The following PEX26 variants were observed in gnomAD, a reference collection of about 807,000 sequenced individuals.
PEX26 encodes peroxisome assembly protein 26.
Under a neutral mutation model 31.4 loss-of-function variants are expected in PEX26, and 18 were observed. The ratio of observed to expected loss-of-function variants is 0.57; its 90% CI spans 0.40 to 0.85. The LOEUF (loss-of-function observed/expected upper bound fraction) is 0.85, where lower values mean the gene tolerates loss of function less well. PEX26 is among the 40% of genes least tolerant of loss of function. The pLI is 0.00. For missense variants in PEX26, 377 were observed against 383.9 expected, an observed-to-expected ratio of 0.98 and a Z score of 0.15; for synonymous variants, 176 against 166.9, an observed-to-expected ratio of 1.05 and a Z score of -0.42.
In PEX26 at chr22:18,089,357, G is replaced by T. The variant is rs1306431410; in HGVS notation, c.*1282G>T. On this transcript the variant is annotated 3_prime_UTR_variant, in exon 5 of 5. Transcript: ENST00000399744. ...AGGTGAGCTGGAAGGGATGTGGGGG[G>T]CGGGGCAGACGGGAGACATGGGTTT... The T allele has an allele frequency of 1.3e-5, 2 of 152,766 alleles. No homozygotes were observed. Among genetic ancestry groups the T allele is most frequent in the Non-Finnish European group, 2.9e-5 (2 of 68,134 alleles). 9.5% of individuals were successfully genotyped at this position (152,766 alleles called of 1,614,324 possible).
chr22:18,081,984 T>C (rs935403419), intron 2 of PEX26, among the ~76,000 whole-genome samples: 2 of 152,166 alleles, frequency 1.3e-5, no homozygotes, highest in Non-Finnish European at 2.9e-5. Context: ...GTGTTGAGCA[T>C]TTTTTCATAT....
intron 4 of PEX26, among the ~76,000 whole-genome samples, chr22:18,086,258 T>G (rs1317793643): frequency 6.6e-6 from 1 of 152,064 alleles, no homozygotes; most frequent in Non-Finnish European, 1.5e-5. Context: ...AAGATTGCAC[T>G]GTTGCCCTCT....
At position 18,098,556 on chromosome 22, in the gene PEX26, T is replaced by C. The variant is rs1418234664; in HGVS notation, c.*10481T>C. The stretch of plus-strand genomic sequence containing the variant: ...CTGAGGCAGGAGAATCTCTGGAACC[T>C]GGGAGGCAGAGGTTGCAGTGAGCTG... On this transcript the variant is annotated 3_prime_UTR_variant, in exon 5 of 5. Transcript: ENST00000399744. 6.6e-6 allele frequency: 1 copy of C among 151,482 alleles called. No individual in the cohort carries two copies. Among genetic ancestry groups the C allele is most frequent in the Non-Finnish European group, 1.5e-5 (1 of 67,826 alleles). 9.4% of individuals were successfully genotyped at this position (151,482 alleles called of 1,614,324 possible). A position where few individuals can be genotyped will look rare whatever the true frequency, so the allele number is the denominator to read the frequency against.
intron 2 of PEX26, among the ~76,000 whole-genome samples, chr22:18,081,222 T>G (rs914006485): frequency 1.0e-4 from 14 of 135,038 alleles, no homozygotes; most frequent in African/African-American, 3.9e-4. Context: ...TATATACACA[T>G]AATATACATA....
Position 18,090,343 on chromosome 22 carries a change from C to G in PEX26, c.*2268C>G, listed in dbSNP as rs759232606. The G allele has an allele frequency of 2.0e-5, 3 of 152,264 alleles. No individual in the cohort carries two copies. The highest frequency in any genetic ancestry group is 4.1e-4 in the South Asian group (2 of 4,832). The allele number at this position is 152,264 out of a possible 1,614,324, so 9.4% of individuals were successfully genotyped here. On this transcript the variant is annotated 3_prime_UTR_variant, in exon 5 of 5. Coordinates refer to ENST00000399744, the MANE Select transcript of PEX26 (RefSeq NM_001127649.3). ...AAGATCTCCCCTTTGATGTGGGTCCCCTGTTGATTATATGTGCGGCCTTCC... is the reference window on the plus strand; with the variant it reads ...AAGATCTCCCCTTTGATGTGGGTCCGCTGTTGATTATATGTGCGGCCTTCC...
intron 3 of PEX26, among the ~76,000 whole-genome samples, chr22:18,084,519 T>A (rs1926759594): frequency 6.6e-6 from 1 of 151,936 alleles, no homozygotes; most frequent in East Asian, 2.0e-4. Flanking sequence ...CTGGGATTAC[T>A]GGCATGAGCC....
At chr22:18,078,682 C>T (rs779621070) in intron 1 of PEX26, 76 bp downstream of exon 1, 3 of 1,325,614 alleles carry the variant, frequency 2.3e-6, no homozygotes, top group Non-Finnish European at 3.2e-6. Context: ...GAGTTCTGTC[C>T]TTCCCAGATT....
chr22:18,085,845 C>A (rs55773806), intron 4 of PEX26, among the ~76,000 whole-genome samples: 1 of 151,942 alleles, frequency 6.6e-6, no homozygotes, highest in African/African-American at 2.4e-5. Context: ...GCACTCCAGC[C>A]TGGGCAATAG....
At chr22:18,079,224 G>C (rs537619622) in intron 1 of PEX26, 1 of 985,254 alleles carries the variant, frequency 1.0e-6, no homozygotes, top group South Asian at 4.7e-5. Flanking sequence ...GGCTTGCATT[G>C]CTCTTTCTAA....
In PEX26 at chr22:18,088,061, C is replaced by G. The variant is rs539155271; in HGVS notation, c.904C>G (p.Arg302Gly). The G allele has an allele frequency of 6.2e-7, 1 of 1,610,346 alleles. No individual in the cohort carries two copies. Among genetic ancestry groups the G allele is most frequent in the Non-Finnish European group, 8.5e-7 (1 of 1,177,350 alleles). ...KAAFSRLYQL[R>G]IRD ...TGCATTTTCTCGCCTCTACCAGCTC[C>G]GCATCCGTGACTGAGGGTCCCTGCG... Residue 302 changes from arginine to glycine, a missense_variant, in exon 5 of 5, where the codon CGC becomes GGC. By Grantham distance (125) the Arg-to-Gly change is moderately radical. Transcript: ENST00000399744. The surrounding 1 kb of genome is among the most constrained non-coding windows in gnomAD (Gnocchi z 4.1).
At chr22:18,084,984 G>A in intron 3 of PEX26, 128 bp from the exon 4 acceptor site, 1 of 906,402 alleles carries the variant, frequency 1.1e-6, no homozygotes, top group Non-Finnish European at 1.7e-6. Flanking sequence ...GCCTCCCAAA[G>A]TGCTGGGATT....
chr22:18,080,996 C>CTT (rs1028377315), intron 2 of PEX26, among the ~76,000 whole-genome samples: 2 of 143,778 alleles, frequency 1.4e-5, no homozygotes, highest in Non-Finnish European at 1.5e-5. Flanking sequence ...ATGATATCAA[C>CTT]TTTTTTTTTT....
chr22:18,079,643 A>T (rs777989839), intron 1 of PEX26, among the ~76,000 whole-genome samples: 4 of 152,204 alleles, frequency 2.6e-5, no homozygotes, highest in Non-Finnish European at 4.4e-5. Context: ...TACAAAGATG[A>T]ACGTTGAGCA....
At chr22:18,081,245 TAC>T (rs59081749) in intron 2 of PEX26, among the ~76,000 whole-genome samples, 65,783 of 137,782 alleles carry the variant, frequency 0.48, 16,352 homozygotes, top group Non-Finnish European at 0.58. Context: ...TGTACACATA[TAC>T]ACACACACAC....
chr22:18,084,194 T>C (rs1278895229), intron 3 of PEX26, among the ~76,000 whole-genome samples: 1 of 151,808 alleles, frequency 6.6e-6, no homozygotes, highest in Non-Finnish European at 1.5e-5. Context: ...TGATCTAGTC[T>C]AGTTGTGAAT....
rs1044002625 is a variant in PEX26, at chr22:18,104,032, C to T, written c.*15957C>T. The T allele has an allele frequency of 6.6e-6, 1 of 152,066 alleles. No homozygotes were observed. Among genetic ancestry groups the T allele is most frequent in the Non-Finnish European group, 1.5e-5 (1 of 68,030 alleles). The allele number at this position is 152,066 out of a possible 1,614,324, so 9.4% of individuals were successfully genotyped here. A position where few individuals can be genotyped will look rare whatever the true frequency, so the allele number is the denominator to read the frequency against. ...CAGAAAGATTGGGTACTTTGCAATA[C>T]TCATAGCAATATGTGAAGTGATTGG... On this transcript the variant is annotated 3_prime_UTR_variant, in exon 5 of 5. Coordinates refer to ENST00000399744, the MANE Select transcript of PEX26 (RefSeq NM_001127649.3).
chr22:18,086,201 G>A (rs937624862), intron 4 of PEX26, among the ~76,000 whole-genome samples: 3 of 151,650 alleles, frequency 2.0e-5, no homozygotes, highest in African/African-American at 7.3e-5. Context: ...GGGAGGGTGA[G>A]GCAGGGAGCA....
Position 18,088,327 on chromosome 22 carries a change from C to T in PEX26, c.*252C>T. 1.6e-6 allele frequency: 1 copy of T among 619,386 alleles called. No homozygotes were observed. The highest frequency in any genetic ancestry group is 1.7e-5 in the South Asian group (1 of 60,392). The allele number at this position is 619,386 out of a possible 1,614,324, so 38.4% of individuals were successfully genotyped here. A position where few individuals can be genotyped will look rare whatever the true frequency, so the allele number is the denominator to read the frequency against. On this transcript the variant is annotated 3_prime_UTR_variant, in exon 5 of 5. Coordinates refer to ENST00000399744, the MANE Select transcript of PEX26 (RefSeq NM_001127649.3). The surrounding 1 kb of genome is among the most constrained non-coding windows in gnomAD (Gnocchi z 4.1). ...ACAGTGCCCCGGATGACCAGAGGCC[C>T]CTTGAAAAGGAGGGGTTTGGGGACA... is the stretch of plus-strand genomic sequence containing the variant.
chr22:18,085,436 A>G (rs1379949214), intron 4 of PEX26, among the ~76,000 whole-genome samples, 178 bp downstream of exon 4: 1 of 152,162 alleles, frequency 6.6e-6, no homozygotes, highest in East Asian at 1.9e-4. Flanking sequence ...AGCCCCACCC[A>G]TAAGGAGAGG....
Sources: allele counts gnomAD v4.1 joint callset (sites outside exome capture counted in the v4.1 genomes callset), GRCh38; gene constraint gnomAD v4.1.1; non-coding constraint Gnocchi (gnomAD v3.1); transcripts MANE v1.5; gene names NCBI Gene and HGNC (gene_info 2026-07-23, HGNC 2026-07-21).